Variants in ANKRD42 observed in about 807,000 individuals in gnomAD.
ANKRD42 encodes ankyrin repeat domain 42.
In ANKRD42, 43 loss-of-function variants were observed where a neutral mutation model predicts 51.5. The observed-to-expected ratio is 0.83, with a 90% CI of 0.65 to 1.08. The LOEUF (loss-of-function observed/expected upper bound fraction) is 1.08. Among genes scored for constraint, ANKRD42 ranks in the 50% least tolerant of loss-of-function variants. The probability of loss-of-function intolerance (pLI) is 0.00; values close to 1 mark genes in which losing one functional copy is unlikely to be tolerated. For missense variants in ANKRD42, 608 were observed against 629.3 expected (o/e 0.97, Z 0.36); for synonymous variants, 203 against 213.0 (o/e 0.95, Z 0.41).
At chr11:83,195,381 A>T (rs1427603692) in intron 1 of ANKRD42, among the ~76,000 whole-genome samples, 1 of 152,220 alleles carries the variant, frequency 6.6e-6, no homozygotes, top group Admixed American at 6.5e-5. Context: ...GTTATAAAGG[A>T]CGGTAGAATG....
rs748533611 is a variant in ANKRD42 at position 83,194,121 on chromosome 11, G to C, written c.-550G>C. ...GCCACAGTCACAGCTGCTCTTGGGA[G>C]AGAGTTAGGGGAGACAGCACCTTCT... is the stretch of plus-strand genomic sequence containing the variant. On this transcript the variant is annotated 5_prime_UTR_variant, in exon 1 of 11. Coordinates refer to ENST00000533342, the MANE Select transcript of ANKRD42 (RefSeq NM_001300975.2). 2.6e-5 allele frequency: 12 copies of C among 456,620 alleles called. No homozygotes were observed. The highest frequency in any genetic ancestry group is 1.9e-4 in the South Asian group (12 of 64,566). 28.3% of individuals were successfully genotyped at this position (456,620 alleles called of 1,614,324 possible). A position where few individuals can be genotyped will look rare whatever the true frequency, so the allele number is the denominator to read the frequency against.
chr11:83,208,384 T>TGA (rs1491050045), intron 3 of ANKRD42, among the ~76,000 whole-genome samples: 5 of 151,662 alleles, frequency 3.3e-5, no homozygotes, highest in African/African-American at 9.7e-5. Flanking sequence ...TGTGTGTGTG[T>TGA]GAATATGTTT....
chr11:83,228,231 CTTTTTTTTT>C (rs11403803), intron 7 of ANKRD42, among the ~76,000 whole-genome samples: 2,507 of 58,900 alleles, frequency 0.043, 596 homozygotes, highest in African/African-American at 0.14. Context: ...CTCTCTCTCT[CTTTTTTTTT>C]TTTTTTTTTT....
At chr11:83,241,105 T>A (rs1246797065) in intron 9 of ANKRD42, among the ~76,000 whole-genome samples, 171 bp downstream of exon 9, 1 of 152,164 alleles carries the variant, frequency 6.6e-6, no homozygotes, top group Non-Finnish European at 1.5e-5. Flanking sequence ...TTGTTGAACA[T>A]ATAAAAAGTA....
At chr11:83,247,623 G>A (rs969467166) in intron 10 of ANKRD42, among the ~76,000 whole-genome samples, 2 of 152,030 alleles carry the variant, frequency 1.3e-5, no homozygotes, top group African/African-American at 2.4e-5. Flanking sequence ...ACTCTTTCCT[G>A]CTTTATTTTT....
At chr11:83,198,444 T>C in intron 1 of ANKRD42, 35 bp from the exon 2 acceptor site, 1 of 1,574,696 alleles carries the variant, frequency 6.4e-7, no homozygotes, top group Non-Finnish European at 8.6e-7. Context: ...TTCATAGTTT[T>C]GTAGTACATT....
intron 5 of ANKRD42, among the ~76,000 whole-genome samples, chr11:83,219,249 G>C (rs1458013728): frequency 6.6e-6 from 1 of 152,222 alleles, no homozygotes; most frequent in East Asian, 1.9e-4. Flanking sequence ...ATGCTTACCA[G>C]CGGGATGGAA....
chr11:83,232,503 T>C (rs1386562499), intron 7 of ANKRD42, among the ~76,000 whole-genome samples: 2 of 152,318 alleles, frequency 1.3e-5, no homozygotes, highest in East Asian at 3.9e-4. Flanking sequence ...GTGGGGTCTT[T>C]AGGTTTTTCC....
chr11:83,208,900 C>T (rs1000903368), intron 3 of ANKRD42, among the ~76,000 whole-genome samples: 6 of 152,158 alleles, frequency 3.9e-5, no homozygotes, highest in Non-Finnish European at 8.8e-5. Flanking sequence ...TCCACCTCAG[C>T]CTCCCAAAGT....
downstream of ANKRD42, chr11:83,259,141 CAT>C (rs1221949614): frequency 1.3e-5 from 2 of 152,190 alleles, no homozygotes; most frequent in Non-Finnish European, 2.9e-5. Flanking sequence ...AAGTACCTCA[CAT>C]GTGTCTAGAG....
chr11:83,216,887 A>G (rs1158402152), intron 5 of ANKRD42, among the ~76,000 whole-genome samples: 2 of 152,224 alleles, frequency 1.3e-5, no homozygotes, highest in East Asian at 1.9e-4. Context: ...GGACACCCCA[A>G]CTGCTGTTGG....
intron 9 of ANKRD42, 64 bp downstream of exon 9, chr11:83,240,998 A>T: frequency 6.5e-7 from 1 of 1,530,414 alleles, no homozygotes; most frequent in Non-Finnish European, 8.8e-7. Flanking sequence ...TTTTACCACA[A>T]ATTTGGAAAC....
intron 3 of ANKRD42, among the ~76,000 whole-genome samples, chr11:83,209,176 G>A (rs999154611): frequency 1.3e-5 from 2 of 152,158 alleles, no homozygotes; most frequent in African/African-American, 4.8e-5. Context: ...TATCAGGTTA[G>A]AATTAAAGAA....
intron 2 of ANKRD42, among the ~76,000 whole-genome samples, chr11:83,201,502 A>G (rs138260443): frequency 6.6e-6 from 1 of 152,210 alleles, no homozygotes; most frequent in Non-Finnish European, 1.5e-5. Context: ...TCCTTTGGGC[A>G]TATACCCAGT....
At chr11:83,222,546 A>C (rs1485623272) in intron 5 of ANKRD42, among the ~76,000 whole-genome samples, 1 of 152,232 alleles carries the variant, frequency 6.6e-6, no homozygotes, top group Non-Finnish European at 1.5e-5. Context: ...TCACTGAGGA[A>C]GTGACAATTG....
At chr11:83,224,430 A>G (rs977115498) in intron 5 of ANKRD42, among the ~76,000 whole-genome samples, 3 of 152,254 alleles carry the variant, frequency 2.0e-5, no homozygotes, top group Non-Finnish European at 2.9e-5. Context: ...TTATAGACTC[A>G]TGGTAAGTGT....
chr11:83,239,489 ATTTTC>A (rs1392461543), intron 8 of ANKRD42, among the ~76,000 whole-genome samples: 1 of 152,050 alleles, frequency 6.6e-6, no homozygotes, highest in Non-Finnish European at 1.5e-5. Context: ...AGTCATAAAA[ATTTTC>A]TTTTATGTTT....
At chr11:83,229,137 G>T (rs941709450) in intron 7 of ANKRD42, among the ~76,000 whole-genome samples, 3 of 151,716 alleles carry the variant, frequency 2.0e-5, no homozygotes, top group African/African-American at 7.3e-5. Context: ...TCTCTCTTTG[G>T]CTTATAGATG....
At chr11:83,255,523 G>A (rs1863753953) in intron 11 of ANKRD42, among the ~76,000 whole-genome samples, 1 of 152,132 alleles carries the variant, frequency 6.6e-6, no homozygotes, top group African/African-American at 2.4e-5. Context: ...AGTGTCTGGG[G>A]ATCTGTTAGG....
Sources: gnomAD v4.1 joint callset for allele counts (sites outside exome capture counted in the v4.1 genomes callset) on GRCh38, gnomAD v4.1.1 for gene constraint, MANE v1.5 for transcripts, NCBI Gene and HGNC (gene_info 2026-07-23, HGNC 2026-07-21) for gene names.